The following OPRM1 variants were observed in gnomAD, a reference collection of about 807,000 sequenced individuals.
OPRM1 encodes opioid receptor mu 1, also known as mu-type opioid receptor.
A neutral mutation model predicts 31.8 loss-of-function variants in OPRM1; 27 were observed. That is an observed-to-expected ratio of 0.85 (90% CI 0.63 to 1.17). The LOEUF is 1.17. OPRM1 is among the 50% of genes most tolerant of loss of function. The pLI is 0.00. For missense variants in OPRM1, 536 were observed against 511.1 expected (o/e 1.05, Z -0.47); for synonymous variants, 196 against 189.9 (o/e 1.03, Z -0.26).
At chr6:154,143,838 T>A (rs547596721) in intron 3 of OPRM1, among the ~76,000 whole-genome samples, 1 of 151,586 alleles carries the variant, frequency 6.6e-6, no homozygotes, top group Non-Finnish European at 1.5e-5. Context: ...ACACACAAAT[T>A]GAAAACAGAA....
chr6:154,199,661 G>C (rs750146167), intron 3 of OPRM1: 12 of 1,585,884 alleles, frequency 7.6e-6, no homozygotes, highest in Non-Finnish European at 8.6e-6. Context: ...ATAATTTATT[G>C]GTTTACCTTT....
intron 3 of OPRM1, among the ~76,000 whole-genome samples, chr6:154,099,966 A>T (rs1262644887): frequency 7.0e-6 from 1 of 142,136 alleles, no homozygotes; most frequent in Non-Finnish European, 1.5e-5. Flanking sequence ...ATATTATCAT[A>T]TTACGATATA....
chr6:154,089,451 G>A lies in OPRM1; in HGVS notation c.291-375G>A, dbSNP rs577431765. Among the ~76,000 whole-genome samples, 25 of 152,074 alleles carry A rather than the reference G, an allele frequency of 1.6e-4. 1 individual carries two copies. The highest frequency in any genetic ancestry group is 1.2e-3 in the Admixed American group (18 of 15,272). On this transcript the variant is annotated intron_variant, in intron 1 of 3. Coordinates refer to ENST00000330432, the MANE Select transcript of OPRM1 (RefSeq NM_000914.5). The stretch of plus-strand genomic sequence containing the variant: ...AAGTTTTTTAAAATTAACAGGGTAT[G>A]GTGGCATGCACCTGGGATCCCAGTT...
intron 3 of OPRM1, among the ~76,000 whole-genome samples, chr6:154,190,900 C>CA (rs1456728530): frequency 1.3e-5 from 2 of 152,012 alleles, no homozygotes; most frequent in East Asian, 3.9e-4. Flanking sequence ...ACTAAAAACA[C>CA]AAAAAATTAG....
chr6:154,028,948 G>C (rs772267082), intron 1 of OPRM1, among the ~76,000 whole-genome samples: 8 of 152,122 alleles, frequency 5.3e-5, no homozygotes, highest in Non-Finnish European at 7.4e-5. Context: ...CCTGATTTTT[G>C]GTTCTTATGA....
intron 1 of OPRM1, among the ~76,000 whole-genome samples, chr6:154,027,222 T>A (rs1331109197): frequency 3.3e-5 from 5 of 152,366 alleles, no homozygotes; most frequent in Non-Finnish European, 7.3e-5. Flanking sequence ...GGGACCACTT[T>A]GATGGTCTTT....
chr6:154,170,734 C>T (rs1799805754), intron 3 of OPRM1, among the ~76,000 whole-genome samples: 1 of 152,146 alleles, frequency 6.6e-6, no homozygotes, highest in Non-Finnish European at 1.5e-5. Flanking sequence ...AAGCCAAAAC[C>T]ATCATGAGAT....
intron 3 of OPRM1, among the ~76,000 whole-genome samples, chr6:154,218,530 C>A (rs186171351): frequency 6.6e-6 from 1 of 152,126 alleles, no homozygotes; most frequent in Non-Finnish European, 1.5e-5. Context: ...CTCCCTCCCC[C>A]ACACCTCTCA....
intron 1 of OPRM1, among the ~76,000 whole-genome samples, chr6:154,074,683 C>CTGGGAGG (rs1262868440): frequency 6.6e-6 from 1 of 152,014 alleles, no homozygotes; most frequent in Non-Finnish European, 1.5e-5. Context: ...TTGCTTGAAC[C>CTGGGAGG]TGGGAGGTGG....
chr6:154,026,091 A>C (rs1778679621), intron 1 of OPRM1, among the ~76,000 whole-genome samples: 10 of 152,058 alleles, frequency 6.6e-5, no homozygotes, highest in Admixed American at 5.9e-4. Flanking sequence ...TTACTGATTG[A>C]AGTACTCCCT....
chr6:154,131,559 G>A lies in OPRM1; in HGVS notation c.*12838G>A, dbSNP rs1797896269. Among the ~76,000 whole-genome samples the A allele has an allele frequency of 6.6e-6, 1 of 152,182 alleles. No homozygotes were observed. Among genetic ancestry groups the A allele is most frequent in the East Asian group, 1.9e-4 (1 of 5,200 alleles). On this transcript the variant is annotated 3_prime_UTR_variant, in exon 4 of 4. Transcript: ENST00000330432. The stretch of plus-strand genomic sequence containing the variant: ...CTCTGCACGTAGATTCAGTTTGTAT[G>A]CCAGGGTGACATTTTAATTTACAGT...
At chr6:154,074,474 T>G (rs1048776997) in intron 1 of OPRM1, 1 of 152,086 alleles carries the variant, frequency 6.6e-6, no homozygotes, top group Admixed American at 6.6e-5. Context: ...GAAAATGGGA[T>G]GGAGGCCAGG....
intron 3 of OPRM1, among the ~76,000 whole-genome samples, chr6:154,212,589 A>G (rs563416776): frequency 3.3e-5 from 5 of 152,300 alleles, no homozygotes; most frequent in East Asian, 3.9e-4. Flanking sequence ...TTATCATACC[A>G]CTGGGTTGCT....
At chr6:154,239,430 A>AG (rs1301852835) in intron 3 of OPRM1, among the ~76,000 whole-genome samples, 2 of 152,164 alleles carry the variant, frequency 1.3e-5, no homozygotes, top group Non-Finnish European at 2.9e-5. Flanking sequence ...GTGAAATTAG[A>AG]ATGTCAGAAG....
chr6:154,177,483 T>C (rs1800437278), intron 3 of OPRM1, among the ~76,000 whole-genome samples: 1 of 152,132 alleles, frequency 6.6e-6, no homozygotes, highest in Non-Finnish European at 1.5e-5. Flanking sequence ...GCAAAGGACA[T>C]GAACAGACAC....
intron 1 of OPRM1, among the ~76,000 whole-genome samples, chr6:154,033,820 A>G (rs1779141520): frequency 6.6e-6 from 1 of 152,204 alleles, no homozygotes; most frequent in African/African-American, 2.4e-5. Context: ...CCATGGATCA[A>G]CAAGGTCAAA....
At chr6:154,012,999 A>C (rs1040505867) in intron 1 of OPRM1, among the ~76,000 whole-genome samples, 12 of 152,164 alleles carry the variant, frequency 7.9e-5, no homozygotes, top group Admixed American at 6.5e-4. Context: ...ATATTGACGA[A>C]TAGGGTTTCA....
rs1797464745 is a variant in OPRM1 at position 154,124,324 on chromosome 6, GT to G, written c.*5609del. The stretch of plus-strand genomic sequence containing the variant: ...TCAGAGAAAGATCAGTTTTCTATGG[GT>G]TTTTTCCATCATGCATTTTATACAA... On this transcript the variant is annotated 3_prime_UTR_variant, in exon 4 of 4. Coordinates refer to ENST00000330432, the MANE Select transcript of OPRM1 (RefSeq NM_000914.5). Among the ~76,000 whole-genome samples the G allele has an allele frequency of 6.6e-6, 1 of 152,098 alleles. No individual in the cohort carries two copies.
At chr6:154,170,807 T>G (rs1237200510) in intron 3 of OPRM1, among the ~76,000 whole-genome samples, 1 of 152,148 alleles carries the variant, frequency 6.6e-6, no homozygotes. Flanking sequence ...TGGATGAGGA[T>G]GTGGATAAAT....
Sources: allele counts gnomAD v4.1 joint callset (sites outside exome capture counted in the v4.1 genomes callset), GRCh38; gene constraint gnomAD v4.1.1; transcripts MANE v1.5; gene names NCBI Gene and HGNC (gene_info 2026-07-23, HGNC 2026-07-21).